Variants in FRAS1 observed in about 807,000 individuals in gnomAD.
FRAS1 encodes Fraser extracellular matrix complex subunit 1, also known as extracellular matrix organizing protein FRAS1.
FRAS1 carries 290 observed loss-of-function variants against 435.2 expected under a neutral mutation model. That is an observed-to-expected ratio of 0.67 (90% confidence interval 0.61 to 0.73). The LOEUF is 0.73. Among genes scored for constraint, FRAS1 ranks in the 30% least tolerant of loss-of-function variants. FRAS1 has a pLI of 0.00. For synonymous variants in FRAS1, 1,800 were observed against 1,851.0 expected, an observed-to-expected ratio of 0.97 and a Z score of 0.71; for missense variants, 4,860 against 5,001.5, an observed-to-expected ratio of 0.97 and a Z score of 0.85.
intron 3 of FRAS1, among the ~76,000 whole-genome samples, chr4:78,239,219 A>G (rs1043072834): frequency 6.6e-6 from 1 of 152,128 alleles, no homozygotes; most frequent in Non-Finnish European, 1.5e-5. Flanking sequence ...AATTTTTCTC[A>G]TCTTGGTAAA....
intron 2 of FRAS1, among the ~76,000 whole-genome samples, chr4:78,161,762 A>G (rs1201130553): frequency 1.4e-5 from 2 of 147,930 alleles, no homozygotes; most frequent in East Asian, 1.9e-4. Flanking sequence ...AAAAAAAAAA[A>G]AAAAAAAAAA....
rs2110313649 is a variant in FRAS1 at position 78,375,833 on chromosome 4, C to T, written c.3246C>T (p.Asn1082=). ...TGAAGAGTGGCCTCTGTGTTTACAACTGTGTTCCTGGCTTTTCTGTCCACA... is the reference window on the plus strand; with the variant it reads ...TGAAGAGTGGCCTCTGTGTTTACAATTGTGTTCCTGGCTTTTCTGTCCACA... ...FFLKSGLCVY[N]CVPGFSVHTS... is the part of the protein sequence containing the mutation. The change falls in exon 26 of 74, where the codon AAC becomes AAT. Residue 1082 remains asparagine (N), a synonymous_variant. Coordinates refer to ENST00000512123, the MANE Select transcript of FRAS1 (RefSeq NM_025074.7). 2 of 1,613,830 alleles carry T rather than the reference C, an allele frequency of 1.2e-6. No individual in the cohort carries two copies. Among genetic ancestry groups the T allele is most frequent in the East Asian group, 2.2e-5 (1 of 44,880 alleles).
chr4:78,361,984 C>A (rs1311672934), intron 20 of FRAS1, among the ~76,000 whole-genome samples: 2 of 152,090 alleles, frequency 1.3e-5, no homozygotes, highest in Non-Finnish European at 2.9e-5. Flanking sequence ...CACTTGAAAG[C>A]AGGAAGTTTT....
chr4:78,253,309 T>C (rs1026045275), intron 5 of FRAS1, among the ~76,000 whole-genome samples: 7 of 152,172 alleles, frequency 4.6e-5, no homozygotes, highest in African/African-American at 1.7e-4. Context: ...TCCCTGAAAA[T>C]TGCTTATTCT....
At chr4:78,213,586 C>A (rs560394937) in intron 2 of FRAS1, among the ~76,000 whole-genome samples, 1 of 152,178 alleles carries the variant, frequency 6.6e-6, no homozygotes, top group East Asian at 1.9e-4. Flanking sequence ...CTTTTGTAAT[C>A]TGGATAAATA....
At chr4:78,085,848 C>A (rs1214297755) in intron 2 of FRAS1, among the ~76,000 whole-genome samples, 1 of 152,136 alleles carries the variant, frequency 6.6e-6, no homozygotes, top group Non-Finnish European at 1.5e-5. Flanking sequence ...ACTCCACTGT[C>A]AACATTAGAC....
intron 18 of FRAS1, among the ~76,000 whole-genome samples, chr4:78,320,040 C>T (rs572457307): frequency 1.6e-4 from 24 of 152,180 alleles, no homozygotes; most frequent in Admixed American, 2.6e-4. Flanking sequence ...ATTATAAAGC[C>T]CTCCTGCTCC....
chr4:78,519,183 G>A (rs796329580), intron 66 of FRAS1, 148 bp from the exon 67 acceptor site: 5 of 403,822 alleles, frequency 1.2e-5, no homozygotes, highest in Non-Finnish European at 1.7e-5. Flanking sequence ...TTTTAAATAA[G>A]TAAGTGCAAT....
chr4:78,231,354 T>C (rs1173728783), intron 2 of FRAS1, among the ~76,000 whole-genome samples: 1 of 151,674 alleles, frequency 6.6e-6, no homozygotes, highest in East Asian at 1.9e-4. Flanking sequence ...CAGATAAGGA[T>C]AAAGGAAAAC....
chr4:78,278,876 C>T (rs1427165143), intron 10 of FRAS1, 132 bp downstream of exon 10: 6 of 629,682 alleles, frequency 9.5e-6, no homozygotes, highest in East Asian at 2.9e-5. Flanking sequence ...TACTGTACAA[C>T]AGGCTCTGGG....
intron 13 of FRAS1, among the ~76,000 whole-genome samples, chr4:78,285,431 ATTC>A (rs1452138662): frequency 1.1e-5 from 1 of 90,256 alleles, no homozygotes; most frequent in Non-Finnish European, 2.4e-5. Context: ...CTGCTTCCAT[ATTC>A]TTTTTTTTTT....
intron 2 of FRAS1, among the ~76,000 whole-genome samples, chr4:78,149,661 C>T (rs1468362459): frequency 2.0e-5 from 3 of 152,152 alleles, no homozygotes; most frequent in Non-Finnish European, 4.4e-5. Context: ...TTCCTTTAAA[C>T]GGCTAAGTGG....
chr4:78,405,562 G>C (rs1482599274), intron 30 of FRAS1, among the ~76,000 whole-genome samples: 1 of 152,146 alleles, frequency 6.6e-6, no homozygotes, highest in African/African-American at 2.4e-5. Context: ...TTCTATACTT[G>C]AATTTAGTGC....
intron 2 of FRAS1, among the ~76,000 whole-genome samples, chr4:78,151,219 G>C (rs1720646191): frequency 1.3e-5 from 2 of 152,132 alleles, no homozygotes; most frequent in African/African-American, 4.8e-5. Flanking sequence ...GGTCAAAGCT[G>C]GAGCCAACTT....
At chr4:78,104,813 A>G (rs1267429160) in intron 2 of FRAS1, among the ~76,000 whole-genome samples, 2 of 152,218 alleles carry the variant, frequency 1.3e-5, no homozygotes, top group Admixed American at 6.5e-5. Flanking sequence ...GCCCTATTCT[A>G]GAATTGTACC....
Position 78,499,720 on chromosome 4 carries a change from G to C in FRAS1, c.9116-1G>C. 6.2e-7 allele frequency: 1 copy of C among 1,613,120 alleles called. No individual in the cohort carries two copies. The highest frequency in any genetic ancestry group is 1.1e-5 in the South Asian group (1 of 90,988). On this transcript the variant is annotated splice_acceptor_variant, in intron 60 of 73. Coordinates refer to ENST00000512123, the MANE Select transcript of FRAS1 (RefSeq NM_025074.7). LOFTEE classifies it high-confidence loss of function. ...TTGTTTTCCTAACCATATTTCCTTA[G>C]CCCCCACCATTGAGTTTGAAGAAGC...
intron 14 of FRAS1, among the ~76,000 whole-genome samples, chr4:78,296,647 G>T (rs1290162481): frequency 6.6e-6 from 1 of 152,180 alleles, no homozygotes; most frequent in Non-Finnish European, 1.5e-5. Flanking sequence ...GCCCCTGGGC[G>T]AGGCTGGAGC....
chr4:78,376,261 G>A (rs933152673), intron 26 of FRAS1, among the ~76,000 whole-genome samples: 13 of 152,112 alleles, frequency 8.5e-5, no homozygotes, highest in Admixed American at 1.3e-4. Context: ...ATCATTGTTT[G>A]AACTCCATGG....
At chr4:78,087,478 T>C (rs1482303581) in intron 2 of FRAS1, among the ~76,000 whole-genome samples, 1 of 152,126 alleles carries the variant, frequency 6.6e-6, no homozygotes, top group Admixed American at 6.6e-5. Context: ...AAAGAGGAAG[T>C]CAAATTGTCC....
Sources: allele counts gnomAD v4.1 joint callset (sites outside exome capture counted in the v4.1 genomes callset), GRCh38; gene constraint gnomAD v4.1.1; transcripts MANE v1.5; gene names NCBI Gene and HGNC (gene_info 2026-07-23, HGNC 2026-07-21).